CADM1: variants seen among roughly 807,000 people sequenced by gnomAD.
CADM1 encodes the protein cell adhesion molecule 1.
CADM1 carries 15 observed loss-of-function variants against 53.1 expected under a neutral mutation model. The observed-to-expected ratio is 0.28, with a 90% CI of 0.19 to 0.44. CADM1 has a LOEUF of 0.44. CADM1 is among the 20% of genes least tolerant of loss of function. CADM1 has a pLI of 1.00. For synonymous variants in CADM1, 281 were observed against 243.0 expected, an observed-to-expected ratio of 1.16 and a Z score of -1.45; for missense variants, 434 against 611.3, an observed-to-expected ratio of 0.71 and a Z score of 3.06.
intron 1 of CADM1, among the ~76,000 whole-genome samples, chr11:115,468,059 A>T (rs1230808564): frequency 1.3e-5 from 2 of 152,248 alleles, no homozygotes; most frequent in Non-Finnish European, 2.9e-5. Flanking sequence ...ATAGAAAAAG[A>T]TGTAATAAAA....
intron 1 of CADM1, among the ~76,000 whole-genome samples, chr11:115,445,603 G>C (rs1455320134): frequency 6.6e-6 from 1 of 152,162 alleles, no homozygotes; most frequent in African/African-American, 2.4e-5. Context: ...CAGCACTTTG[G>C]GAGATTGAGG....
At chr11:115,371,169 A>T (rs1946297080) in intron 1 of CADM1, among the ~76,000 whole-genome samples, 1 of 152,176 alleles carries the variant, frequency 6.6e-6, no homozygotes, top group African/African-American at 2.4e-5. Context: ...CTTTTTTGTT[A>T]TTTAAAAGAT....
At chr11:115,297,520 G>A (rs1320785910) in intron 1 of CADM1, among the ~76,000 whole-genome samples, 2 of 152,158 alleles carry the variant, frequency 1.3e-5, no homozygotes, top group Non-Finnish European at 2.9e-5. Context: ...AGTCAAAGCC[G>A]CTTGGCATTT....
chr11:115,289,131 G>T (rs778311430), intron 1 of CADM1, among the ~76,000 whole-genome samples: 1 of 152,204 alleles, frequency 6.6e-6, no homozygotes, highest in South Asian at 2.1e-4. Context: ...CTGAGAGGCC[G>T]AGGCGGGCAG....
intron 1 of CADM1, chr11:115,363,809 C>T (rs1186378093): frequency 6.6e-6 from 1 of 152,132 alleles, no homozygotes; most frequent in Non-Finnish European, 1.5e-5. Context: ...AACTTTCGGT[C>T]AACAATGTAC....
intron 1 of CADM1, among the ~76,000 whole-genome samples, chr11:115,487,543 G>A (rs1045963201): frequency 4.6e-5 from 7 of 151,864 alleles, no homozygotes; most frequent in African/African-American, 1.4e-4. Context: ...GATCATTTTC[G>A]GTTAAAAAAG....
At chr11:115,477,351 T>C (rs1591286611) in intron 1 of CADM1, among the ~76,000 whole-genome samples, 1 of 152,242 alleles carries the variant, frequency 6.6e-6, no homozygotes, top group African/African-American at 2.4e-5. Context: ...TTAAAGGCTA[T>C]TTCCATTCTC....
chr11:115,340,658 A>ATATATATATATTTTTTT (rs60532835), intron 1 of CADM1, among the ~76,000 whole-genome samples: 2 of 34,936 alleles, frequency 5.7e-5, no homozygotes, highest in African/African-American at 2.8e-4. Context: ...ATATATATAT[A>ATATATATATATTTTTTT]TTTTTTTTTT....
At chr11:115,381,489 A>T (rs944945585) in intron 1 of CADM1, among the ~76,000 whole-genome samples, 2 of 152,142 alleles carry the variant, frequency 1.3e-5, no homozygotes, top group Admixed American at 6.5e-5. Flanking sequence ...TGTAGCAAAA[A>T]CAGTACAAGC....
At chr11:115,244,601 C>T (rs968181692) in intron 1 of CADM1, among the ~76,000 whole-genome samples, 17 of 152,160 alleles carry the variant, frequency 1.1e-4, no homozygotes, top group African/African-American at 3.9e-4. Context: ...TGCCTGATGT[C>T]ATTCAGCTAA....
At chr11:115,441,313 C>T (rs1398804004) in intron 1 of CADM1, among the ~76,000 whole-genome samples, 3 of 151,884 alleles carry the variant, frequency 2.0e-5, no homozygotes, top group Admixed American at 1.3e-4. Flanking sequence ...GACTCAATAG[C>T]CTTGAAGTTT....
rs757194461 is a variant in CADM1 at position 115,178,714 on chromosome 11, G to C, written c.1227C>G (p.Val409=). Reference sequence around the variant, plus strand: ...GCATGGCGAACACCACCACCGCCACGACGCCACCGATCACGGCATGATCCA... The same window carrying C: ...GCATGGCGAACACCACCACCGCCACCACGCCACCGATCACGGCATGATCCA... ...RAVDHAVIGG[V]VAVVVFAMLC... The change falls in exon 11 of 12, where the codon GTC becomes GTG. Residue 409 remains valine (V), a synonymous_variant. Coordinates refer to ENST00000331581, the MANE Select transcript of CADM1 (RefSeq NM_001301043.2). 7 of 1,613,688 alleles carry C rather than the reference G, an allele frequency of 4.3e-6. No homozygotes were observed. In the Admixed American group the frequency reaches 8.3e-5, roughly 19 times the overall value.
intron 1 of CADM1, among the ~76,000 whole-genome samples, chr11:115,276,497 CAGAT>C (rs1217434509): frequency 1.3e-5 from 2 of 152,082 alleles, no homozygotes; most frequent in Non-Finnish European, 2.9e-5. Flanking sequence ...GGCGTGGAGA[CAGAT>C]AGAAAAATAT....
At chr11:115,337,164 C>T (rs925826307) in intron 1 of CADM1, among the ~76,000 whole-genome samples, 3 of 152,128 alleles carry the variant, frequency 2.0e-5, no homozygotes, top group African/African-American at 7.2e-5. Context: ...CCGGCTCTTT[C>T]AGGGTTTTTC....
chr11:115,192,501 A>G (rs1186327914), intron 9 of CADM1, among the ~76,000 whole-genome samples: 3 of 152,244 alleles, frequency 2.0e-5, no homozygotes, highest in Non-Finnish European at 2.9e-5. Flanking sequence ...CATTGTATAA[A>G]GACTGATGAA....
intron 1 of CADM1, among the ~76,000 whole-genome samples, chr11:115,405,333 T>C (rs949787051): frequency 2.0e-5 from 3 of 152,198 alleles, no homozygotes; most frequent in African/African-American, 7.2e-5. Context: ...ATACCAGTAC[T>C]GGAATTGAAG....
In CADM1 at chr11:115,274,747, T is replaced by C. The variant is rs997129053; in HGVS notation, c.125-34327A>G. On this transcript the variant is annotated intron_variant, in intron 1 of 11. Coordinates refer to ENST00000331581, the MANE Select transcript of CADM1 (RefSeq NM_001301043.2). ...ATTATATCTTTCTTTACAGGCTGGATGCTTTAGATATCTATAAATACCGGT... is the reference window on the plus strand; with the variant it reads ...ATTATATCTTTCTTTACAGGCTGGACGCTTTAGATATCTATAAATACCGGT... 2.0e-5 allele frequency among the ~76,000 whole-genome samples: 3 copies of C among 152,314 alleles called. No homozygotes were observed. The South Asian group carries it at 6.2e-4, about 32-fold the overall frequency.
At chr11:115,346,610 G>A (rs944532985) in intron 1 of CADM1, among the ~76,000 whole-genome samples, 1 of 151,858 alleles carries the variant, frequency 6.6e-6, no homozygotes, top group Non-Finnish European at 1.5e-5. Flanking sequence ...TTTTTGTTGG[G>A]GTGAGTAACA....
At chr11:115,188,533 CA>C (rs1939687734) in intron 10 of CADM1, among the ~76,000 whole-genome samples, 1 of 151,736 alleles carries the variant, frequency 6.6e-6, no homozygotes, top group South Asian at 2.1e-4. Flanking sequence ...GCAAAGGGGA[CA>C]AAAGGAAAAT....
Sources: gnomAD v4.1 joint callset for allele counts (sites outside exome capture counted in the v4.1 genomes callset) on GRCh38, gnomAD v4.1.1 for gene constraint, MANE v1.5 for transcripts, NCBI Gene and HGNC (gene_info 2026-07-23, HGNC 2026-07-21) for gene names.